MTRR: variants seen among roughly 807,000 people sequenced by gnomAD.
MTRR encodes the protein 5-methyltetrahydrofolate-homocysteine methyltransferase reductase.
MTRR carries 63 observed loss-of-function variants against 79.2 expected under a neutral mutation model. The ratio of observed to expected loss-of-function variants is 0.80; its 90% CI spans 0.65 to 0.98. The LOEUF (loss-of-function observed/expected upper bound fraction) is 0.98, where lower values mean the gene tolerates loss of function less well. MTRR is among the 50% of genes least tolerant of loss of function. MTRR has a pLI of 0.00. For missense variants in MTRR, 895 were observed against 839.6 expected (o/e 1.07, Z -0.82); for synonymous variants, 355 against 313.3 (o/e 1.13, Z -1.41).
chr5:7,872,461 A>G (rs1748158772), intron 2 of MTRR, among the ~76,000 whole-genome samples: 3 of 152,244 alleles, frequency 2.0e-5, no homozygotes, highest in South Asian at 4.1e-4. Context: ...TTAAACTTAC[A>G]TGAGAATAAG....
chr5:7,861,453 G>A lies in MTRR; in HGVS notation n.392-498G>A, dbSNP rs531599178. Reference sequence around the variant, plus strand: ...AATATTACAAGGAATTTCCCAACATGGTATTCTGAAATGTAGTATTTTAAT... The same window carrying A: ...AATATTACAAGGAATTTCCCAACATAGTATTCTGAAATGTAGTATTTTAAT... On this transcript the variant is annotated intron_variant and non_coding_transcript_variant, in intron 1 of 3. Transcript: ENST00000502509. The A allele has an allele frequency of 4.6e-6, 3 of 654,846 alleles. No individual in the cohort carries two copies. The African/African-American group carries it at 5.6e-5, about 12-fold the overall frequency. 40.6% of individuals were successfully genotyped at this position (654,846 alleles called of 1,614,324 possible).
intron 5 of MTRR, 90 bp from the exon 6 acceptor site, chr5:7,883,065 G>T: frequency 3.8e-6 from 6 of 1,571,024 alleles, no homozygotes; most frequent in Non-Finnish European, 4.4e-6. Context: ...AGGAAGTTTT[G>T]TAAGCCCCTG....
intron 9 of MTRR, 60 bp from the exon 10 acceptor site, chr5:7,891,312 T>A (rs1236063062): frequency 5.0e-6 from 4 of 793,906 alleles, no homozygotes; most frequent in East Asian, 2.8e-5. Flanking sequence ...TTTTTTTTTT[T>A]AGGTAAGGTT....
At chr5:7,894,816 AG>A (rs1230721266) in intron 11 of MTRR, among the ~76,000 whole-genome samples, 2 of 151,984 alleles carry the variant, frequency 1.3e-5, no homozygotes, top group Non-Finnish European at 2.9e-5. Context: ...CCGTAAAGAC[AG>A]GGGCGTTGTT....
intron 2 of MTRR, among the ~76,000 whole-genome samples, chr5:7,871,928 C>T (rs896275245): frequency 2.6e-5 from 4 of 152,208 alleles, no homozygotes; most frequent in Admixed American, 1.3e-4. Flanking sequence ...TATCATAAAA[C>T]TAGTCCTGAT....
At chr5:7,855,863 T>TACTGGATGAAGGCAAAATTTCA (rs1746231840) in intron 1 of MTRR, among the ~76,000 whole-genome samples, 1 of 152,130 alleles carries the variant, frequency 6.6e-6, no homozygotes, top group South Asian at 2.1e-4. Context: ...GGATTACAAG[T>TACTGGATGAAGGCAAAATTTCA]ACTGGATGAA....
chr5:7,894,073 A>G (rs1006336865), intron 11 of MTRR, among the ~76,000 whole-genome samples: 3 of 152,172 alleles, frequency 2.0e-5, no homozygotes, highest in African/African-American at 7.2e-5. Flanking sequence ...AACACTAAAC[A>G]TGGGTGCCTT....
At chr5:7,857,598 T>C (rs1386891517) in intron 1 of MTRR, among the ~76,000 whole-genome samples, 1 of 152,198 alleles carries the variant, frequency 6.6e-6, no homozygotes, top group African/African-American at 2.4e-5. Context: ...AGGCTCTCTC[T>C]CACTGCCCAG....
At chr5:7,880,244 G>C (rs1735360171) in intron 5 of MTRR, among the ~76,000 whole-genome samples, 1 of 152,198 alleles carries the variant, frequency 6.6e-6, no homozygotes, top group Non-Finnish European at 1.5e-5. Context: ...GTGCTTTGCA[G>C]GTGTTCCACA....
chr5:7,858,415 A>G (rs1488232714), intron 1 of MTRR, among the ~76,000 whole-genome samples: 3 of 150,086 alleles, frequency 2.0e-5, no homozygotes, highest in African/African-American at 7.5e-5. Context: ...GTACCCGGAT[A>G]CATCAGAATC....
intron 2 of MTRR, among the ~76,000 whole-genome samples, chr5:7,871,198 G>A (rs1388714353): frequency 6.6e-6 from 1 of 152,182 alleles, no homozygotes; most frequent in African/African-American, 2.4e-5. Flanking sequence ...TGTTTCACAG[G>A]GTGGCTGTGA....
At chr5:7,896,003 A>T in intron 12 of MTRR, 151 bp downstream of exon 12, 1 of 1,058,642 alleles carries the variant, frequency 9.4e-7, no homozygotes, top group Non-Finnish European at 1.4e-6. Context: ...CCATGGGAAA[A>T]GTAAACACAA....
At position 7,870,884 on chromosome 5, in the gene MTRR, A is replaced by C. The variant is rs1747850103; in HGVS notation, c.90A>C (p.Gly30=). The C allele has an allele frequency of 6.2e-7, 1 of 1,614,136 alleles. No homozygotes were observed. The change falls in exon 2 of 15, where the codon GGA becomes GGC. Residue 30 remains glycine, a synonymous_variant. Transcript: ENST00000440940. ...TATGTGAGCAAGCTGTGGTACATGG[A>C]TTTTCTGCAGATCTTCACTGTATTA... ...EEICEQAVVH[G]FSADLHCISE... is the part of the protein sequence containing the mutation.
At position 7,893,244 on chromosome 5, in the gene MTRR, G is replaced by T. The variant is rs927082239; in HGVS notation, c.1557+331G>T. 6.4e-5 allele frequency: 20 copies of T among 310,376 alleles called. No homozygotes were observed. In the East Asian group the frequency reaches 1.4e-3, roughly 22 times the overall value. The allele number at this position is 310,376 out of a possible 1,614,324, so 19.2% of individuals were successfully genotyped here. Reference sequence around the variant, plus strand: ...AGAACTGTCTAGGAAGTATTTAAGGGGGGTGATGAGAGACAGTCTCATTTT... The same window carrying T: ...AGAACTGTCTAGGAAGTATTTAAGGTGGGTGATGAGAGACAGTCTCATTTT... On this transcript the variant is annotated intron_variant, in intron 11 of 14. Coordinates refer to ENST00000440940, the MANE Select transcript of MTRR (RefSeq NM_002454.3).
chr5:7,865,217 G>A (rs533392644), upstream of MTRR, among the ~76,000 whole-genome samples: 4 of 152,154 alleles, frequency 2.6e-5, no homozygotes, highest in African/African-American at 7.2e-5. Flanking sequence ...GTAAGAGATC[G>A]GGGTTAACTA....
At chr5:7,889,544 A>G (rs1737203552) in intron 9 of MTRR, among the ~76,000 whole-genome samples, 1 of 152,020 alleles carries the variant, frequency 6.6e-6, no homozygotes, top group Non-Finnish European at 1.5e-5. Flanking sequence ...CAGTGTCACT[A>G]TCATTTTCTC....
rs1170692191 is a variant in MTRR at position 7,887,736 on chromosome 5, A to ATATATATGTGTGTG, written c.1146+1051_1146+1064dup. Among the ~76,000 whole-genome samples, 607 of 144,718 alleles carry ATATATATGTGTGTG rather than the reference A, an allele frequency of 4.2e-3. 5 individuals carry two copies. The highest frequency in any genetic ancestry group is 0.015 in the African/African-American group (587 of 39,062). The allele number at this position is 144,718 out of a possible 152,430, so 94.9% of individuals were successfully genotyped here. Reference sequence around the variant, plus strand: ...TGTGTGTGTATGTCTGTATATGTGTATATATATGTGTGTGTATATATGTGT... The same window carrying ATATATATGTGTGTG: ...TGTGTGTGTATGTCTGTATATGTGTATATATATGTGTGTGTATATATGTGTGTGTATATATGTGT... On this transcript the variant is annotated intron_variant, in intron 8 of 14. Transcript: ENST00000440940.
chr5:7,873,256 C>G (rs1554000161), intron 2 of MTRR, 117 bp from the exon 3 acceptor site: 1 of 1,351,156 alleles, frequency 7.4e-7, no homozygotes, highest in Non-Finnish European at 1.1e-6. Context: ...CTCAAAAAAA[C>G]TGGCAAGGAA....
In MTRR at chr5:7,863,578, C is replaced by T. The variant is rs146183730; in HGVS notation, n.498+1521C>T. On this transcript the variant is annotated intron_variant and non_coding_transcript_variant, in intron 2 of 3. Transcript: ENST00000502509. The stretch of plus-strand genomic sequence containing the variant: ...ATGAAAAAATCTGAAAGCTGAAACA[C>T]TTCTGGTCCTGAGCATTTTGGATAA... 9.2e-3 allele frequency among the ~76,000 whole-genome samples: 1,394 copies of T among 152,258 alleles called. 12 individuals are homozygous for T. Among genetic ancestry groups the T allele is most frequent in the Middle Eastern group, 0.02 (6 of 294 alleles).
Sources: allele counts gnomAD v4.1 joint callset (sites outside exome capture counted in the v4.1 genomes callset), GRCh38; gene constraint gnomAD v4.1.1; transcripts MANE v1.5; gene names NCBI Gene and HGNC (gene_info 2026-07-23, HGNC 2026-07-21).